Variants in TTC29 observed in about 807,000 individuals in gnomAD.
TTC29 encodes the protein tetratricopeptide repeat domain 29, also known as tetratricopeptide repeat protein 29.
TTC29 carries 49 observed loss-of-function variants against 58.1 expected under a neutral mutation model. The ratio of observed to expected loss-of-function variants is 0.84; its 90% confidence interval spans 0.67 to 1.07. The LOEUF (loss-of-function observed/expected upper bound fraction) is 1.07. Among genes scored for constraint, TTC29 ranks in the 50% least tolerant of loss-of-function variants. The pLI, the probability that TTC29 is intolerant of heterozygous loss-of-function variation, is 0.00. For missense variants in TTC29, 582 were observed against 555.6 expected (o/e 1.05, Z -0.48); for synonymous variants, 209 against 196.8 (o/e 1.06, Z -0.52).
chr4:146,733,205 T>C (rs912506889), intron 11 of TTC29, among the ~76,000 whole-genome samples: 9 of 152,154 alleles, frequency 5.9e-5, no homozygotes, highest in Non-Finnish European at 1.2e-4. Flanking sequence ...ATAGTGACTA[T>C]AGATATCTTG....
At chr4:146,839,530 G>A (rs1344202393) in intron 8 of TTC29, among the ~76,000 whole-genome samples, 1 of 141,242 alleles carries the variant, frequency 7.1e-6, no homozygotes, top group Non-Finnish European at 1.5e-5. Flanking sequence ...AGTTTTACAT[G>A]AACTCGTGTG....
At chr4:146,796,135 G>T (rs1749818645) in intron 11 of TTC29, among the ~76,000 whole-genome samples, 1 of 151,804 alleles carries the variant, frequency 6.6e-6, no homozygotes. Context: ...GATGAGTTCA[G>T]TGTAGATTGG....
At chr4:146,897,503 T>C (rs1732847012) in intron 6 of TTC29, among the ~76,000 whole-genome samples, 1 of 152,156 alleles carries the variant, frequency 6.6e-6, no homozygotes, top group Non-Finnish European at 1.5e-5. Flanking sequence ...CCACAGGGCC[T>C]CTCTCCTTGG....
intron 11 of TTC29, 63 bp downstream of exon 11, chr4:146,803,394 G>A: frequency 8.5e-7 from 1 of 1,182,410 alleles, no homozygotes; most frequent in Non-Finnish European, 1.2e-6. Flanking sequence ...ACTTTCCAAT[G>A]AAAGTAAATT....
intron 4 of TTC29, among the ~76,000 whole-genome samples, chr4:146,912,516 G>A (rs2150289361): frequency 6.6e-6 from 1 of 152,256 alleles, no homozygotes; most frequent in Admixed American, 6.5e-5. Flanking sequence ...AGGGTGAGGG[G>A]AAGAAGTTTT....
chr4:146,802,667 A>G lies in TTC29; in HGVS notation c.1330+790T>C, dbSNP rs566487468. On this transcript the variant is annotated intron_variant, in intron 11 of 12. Transcript: ENST00000325106. ...GGAAAACAAAGAGTTCAAATCAAAT[A>G]GAAGATACTTCACATTACAAAAGGT... Among the ~76,000 whole-genome samples the G allele has an allele frequency of 4.6e-5, 7 of 152,382 alleles. No individual in the cohort carries two copies. The East Asian group carries it at 1.3e-3, about 29-fold the overall frequency.
intron 6 of TTC29, among the ~76,000 whole-genome samples, chr4:146,876,719 G>A (rs1445632229): frequency 1.3e-5 from 2 of 152,190 alleles, no homozygotes; most frequent in East Asian, 3.9e-4. Context: ...TGTGGACCAC[G>A]AGGTCAGGAG....
intron 6 of TTC29, among the ~76,000 whole-genome samples, chr4:146,881,825 CA>C (rs2150233600): frequency 6.6e-6 from 1 of 152,102 alleles, no homozygotes; most frequent in African/African-American, 2.4e-5. Context: ...CACTGGAAAA[CA>C]AAGATTTTGT....
intron 8 of TTC29, among the ~76,000 whole-genome samples, chr4:146,856,653 G>A (rs1249832576): frequency 6.6e-6 from 1 of 150,628 alleles, no homozygotes; most frequent in African/African-American, 2.4e-5. Flanking sequence ...AAAAGAAACA[G>A]ATGCATATTT....
chr4:146,936,050 C>T (rs1481616872), intron 4 of TTC29, among the ~76,000 whole-genome samples: 2 of 152,272 alleles, frequency 1.3e-5, no homozygotes, highest in East Asian at 1.9e-4. Flanking sequence ...TTTGCATCCA[C>T]TATCTTACAG....
intron 7 of TTC29, among the ~76,000 whole-genome samples, chr4:146,872,093 T>C (rs1730971418): frequency 6.6e-6 from 1 of 152,020 alleles, no homozygotes; most frequent in African/African-American, 2.4e-5. Flanking sequence ...AGACACAATC[T>C]CCACATTTAT....
intron 4 of TTC29, among the ~76,000 whole-genome samples, chr4:146,911,477 A>G (rs933543526): frequency 1.3e-5 from 2 of 152,222 alleles, no homozygotes; most frequent in Admixed American, 1.3e-4. Context: ...TCAGAGATGG[A>G]CACATGTAAA....
At chr4:146,882,219 G>T (rs1016032444) in intron 6 of TTC29, among the ~76,000 whole-genome samples, 1 of 152,092 alleles carries the variant, frequency 6.6e-6, no homozygotes, top group Non-Finnish European at 1.5e-5. Flanking sequence ...CTGAATTGTG[G>T]CCAGTGAGCA....
chr4:146,732,066 T>A (rs971801317), intron 11 of TTC29, among the ~76,000 whole-genome samples: 5 of 152,150 alleles, frequency 3.3e-5, no homozygotes, highest in African/African-American at 1.2e-4. Context: ...TAAATCCTTT[T>A]GTTTGTATTT....
chr4:146,897,436 C>T (rs1732841409), intron 6 of TTC29, among the ~76,000 whole-genome samples: 1 of 152,086 alleles, frequency 6.6e-6, no homozygotes, highest in Non-Finnish European at 1.5e-5. Flanking sequence ...GTTCCCCAAA[C>T]TATGATTGCC....
rs57324993 is a variant in TTC29, at chr4:146,922,257, T to TA, written c.177-13009dup. On this transcript the variant is annotated intron_variant, in intron 4 of 12. Coordinates refer to ENST00000325106, the MANE Select transcript of TTC29 (RefSeq NM_031956.4). ...GAAGCTAGCTTTCAACTCAGGATGA[T>TA]AAAAAAAAACCCTAACAAAACAAAT... 1.6e-3 allele frequency among the ~76,000 whole-genome samples: 237 copies of TA among 149,112 alleles called. 1 individual carries two copies. The highest frequency in any genetic ancestry group is 1.4e-3 in the East Asian group (7 of 5,100).
intron 10 of TTC29, among the ~76,000 whole-genome samples, chr4:146,809,975 G>A (rs540310695): frequency 1.3e-5 from 2 of 152,144 alleles, no homozygotes; most frequent in African/African-American, 4.8e-5. Context: ...TATGTTTATT[G>A]CAGCACTGTT....
At chr4:146,899,584 C>T (rs767074638) in intron 6 of TTC29, among the ~76,000 whole-genome samples, 1 of 152,106 alleles carries the variant, frequency 6.6e-6, no homozygotes, top group African/African-American at 2.4e-5. Flanking sequence ...CAGGCCATGC[C>T]GCACACCAAA....
At chr4:146,923,754 T>C (rs997445990) in intron 4 of TTC29, among the ~76,000 whole-genome samples, 4 of 151,862 alleles carry the variant, frequency 2.6e-5, no homozygotes, top group African/African-American at 7.2e-5. Flanking sequence ...AAAAGCTTAA[T>C]GATATTTCCC....
Sources: gnomAD v4.1 joint callset for allele counts (sites outside exome capture counted in the v4.1 genomes callset) on GRCh38, gnomAD v4.1.1 for gene constraint, MANE v1.5 for transcripts, NCBI Gene and HGNC (gene_info 2026-07-23, HGNC 2026-07-21) for gene names.